The following SPAG16 variants were observed in gnomAD, a reference collection of about 807,000 sequenced individuals.
SPAG16 encodes the protein sperm-associated antigen 16 protein.
In SPAG16, 86 loss-of-function variants were observed where a neutral mutation model predicts 80.4. The observed-to-expected ratio is 1.07, with a 90% confidence interval of 0.90 to 1.28. SPAG16 has a LOEUF of 1.28. SPAG16 is among the 50% of genes most tolerant of loss of function. The pLI is 0.00. For synonymous variants in SPAG16, 294 were observed against 265.9 expected (o/e 1.11, Z -1.03); for missense variants, 870 against 765.3 (o/e 1.14, Z -1.61).
At chr2:214,025,176 C>G (rs570905171) in intron 13 of SPAG16, among the ~76,000 whole-genome samples, 1 of 151,712 alleles carries the variant, frequency 6.6e-6, no homozygotes, top group African/African-American at 2.4e-5. Flanking sequence ...ATGCTAGAGA[C>G]AAGTCTTCTC....
chr2:213,671,841 T>A (rs2063822689), intron 10 of SPAG16, among the ~76,000 whole-genome samples: 2 of 152,174 alleles, frequency 1.3e-5, no homozygotes, highest in African/African-American at 4.8e-5. Context: ...CTCCAGGATA[T>A]CATTAATGTC....
intron 15 of SPAG16, among the ~76,000 whole-genome samples, chr2:214,390,294 C>G (rs4283423): frequency 1.0e-4 from 15 of 146,112 alleles, no homozygotes; most frequent in African/African-American, 3.8e-4. Context: ...GGAGGGTGAA[C>G]TGCCAGTTGT....
At chr2:213,377,903 AT>A (rs200597218) in intron 9 of SPAG16, among the ~76,000 whole-genome samples, 106 of 20,718 alleles carry the variant, frequency 5.1e-3, no homozygotes, top group African/African-American at 0.017. Context: ...ATATATATAT[AT>A]TTTTTTTTTT....
At chr2:213,803,370 A>G (rs1189132994) in intron 10 of SPAG16, among the ~76,000 whole-genome samples, 1 of 152,196 alleles carries the variant, frequency 6.6e-6, no homozygotes, top group African/African-American at 2.4e-5. Flanking sequence ...ATCTTGTGAC[A>G]AAGATTTGAT....
intron 10 of SPAG16, among the ~76,000 whole-genome samples, chr2:213,633,688 A>G (rs1048346668): frequency 2.6e-5 from 4 of 152,030 alleles, no homozygotes; most frequent in African/African-American, 9.7e-5. Flanking sequence ...TAGTTCCTTT[A>G]TATATTTGGG....
At chr2:214,047,459 A>G (rs940007966) in intron 13 of SPAG16, among the ~76,000 whole-genome samples, 2 of 152,200 alleles carry the variant, frequency 1.3e-5, no homozygotes, top group Non-Finnish European at 2.9e-5. Context: ...TATCTTTTCA[A>G]TAAATGTTGC....
chr2:213,420,519 G>C (rs750283341), intron 9 of SPAG16, among the ~76,000 whole-genome samples: 3 of 152,150 alleles, frequency 2.0e-5, no homozygotes, highest in Non-Finnish European at 2.9e-5. Flanking sequence ...AAAGTCAAAG[G>C]CCAAGAAAAT....
intron 10 of SPAG16, among the ~76,000 whole-genome samples, chr2:213,776,528 C>T (rs1025796891): frequency 5.3e-5 from 8 of 152,026 alleles, no homozygotes; most frequent in Non-Finnish European, 5.9e-5. Flanking sequence ...ACCAAGTTTG[C>T]GGTAATTTGC....
chr2:214,394,009 T>G (rs1327130917), intron 15 of SPAG16, among the ~76,000 whole-genome samples: 1 of 152,188 alleles, frequency 6.6e-6, no homozygotes, highest in East Asian at 1.9e-4. Flanking sequence ...CATTGGCCAA[T>G]ACACAGAATA....
At chr2:213,644,141 C>G (rs1385354917) in intron 10 of SPAG16, among the ~76,000 whole-genome samples, 2 of 151,058 alleles carry the variant, frequency 1.3e-5, no homozygotes, top group Admixed American at 6.6e-5. Flanking sequence ...TCTGATGCAC[C>G]CTTCAGTATG....
chr2:214,380,635 G>T (rs941356153), intron 15 of SPAG16, among the ~76,000 whole-genome samples: 2 of 152,146 alleles, frequency 1.3e-5, no homozygotes, highest in Non-Finnish European at 1.5e-5. Flanking sequence ...AACACATAAA[G>T]AACTTAAAAC....
chr2:214,044,243 G>A (rs915859962), intron 13 of SPAG16, among the ~76,000 whole-genome samples: 2 of 152,084 alleles, frequency 1.3e-5, no homozygotes, highest in African/African-American at 4.8e-5. Flanking sequence ...CTGTTTCTGT[G>A]TTCTAAATAC....
At chr2:214,076,535 G>A (rs867608945) in intron 13 of SPAG16, among the ~76,000 whole-genome samples, 2 of 74,162 alleles carry the variant, frequency 2.7e-5, no homozygotes, top group Admixed American at 2.6e-4. Flanking sequence ...GTGTGTGTGT[G>A]TGTGTGTCTG....
intron 11 of SPAG16, among the ~76,000 whole-genome samples, chr2:213,871,554 A>C (rs2075945552): frequency 6.6e-6 from 1 of 152,006 alleles, no homozygotes; most frequent in South Asian, 2.1e-4. Flanking sequence ...GTGCACATGC[A>C]TAGGAAAGAC....
At chr2:213,884,921 A>G (rs1004247692) in intron 11 of SPAG16, among the ~76,000 whole-genome samples, 5 of 152,082 alleles carry the variant, frequency 3.3e-5, no homozygotes, top group African/African-American at 1.2e-4. Flanking sequence ...ATTGAGTTTT[A>G]CCTTTCTCTT....
At chr2:213,300,681 T>C (rs1296983750) in intron 3 of SPAG16, among the ~76,000 whole-genome samples, 1 of 152,156 alleles carries the variant, frequency 6.6e-6, no homozygotes. Context: ...ATTAAAAAAA[T>C]TCTGTCTATG....
At chr2:213,850,591 A>G (rs1318207175) in intron 10 of SPAG16, among the ~76,000 whole-genome samples, 1 of 152,214 alleles carries the variant, frequency 6.6e-6, no homozygotes, top group Non-Finnish European at 1.5e-5. Context: ...CCTCTCTGGA[A>G]TGAAGGTCTT....
chr2:213,977,237 C>G (rs1157300631), intron 12 of SPAG16, among the ~76,000 whole-genome samples: 1 of 152,030 alleles, frequency 6.6e-6, no homozygotes, highest in South Asian at 2.1e-4. Flanking sequence ...ATGAAAAATA[C>G]ACACACTGCC....
rs570566683 is a variant in SPAG16 at position 213,478,137 on chromosome 2, G to T, written c.943-11826G>T. 2.0e-5 allele frequency among the ~76,000 whole-genome samples: 3 copies of T among 152,250 alleles called. No homozygotes were observed. In the South Asian group the frequency reaches 6.2e-4, roughly 32 times the overall value. On this transcript the variant is annotated intron_variant, in intron 9 of 15. Coordinates refer to ENST00000331683, the MANE Select transcript of SPAG16 (RefSeq NM_024532.5). ...TGTCTGCCATGATAGTAAGTTTTCT[G>T]AGGTCTCCCCAGCGATCTGGAGCTG...
Sources: allele counts gnomAD v4.1 joint callset (sites outside exome capture counted in the v4.1 genomes callset), GRCh38; gene constraint gnomAD v4.1.1; transcripts MANE v1.5; gene names NCBI Gene and HGNC (gene_info 2026-07-23, HGNC 2026-07-21).